The following ARFGEF3 variants were observed in gnomAD, a reference collection of about 807,000 sequenced individuals.
ARFGEF3 encodes ARFGEF family member 3, also known as brefeldin A-inhibited guanine nucleotide-exchange protein 3.
Under a neutral mutation model 221.7 loss-of-function variants are expected in ARFGEF3, and 96 were observed. That is an observed-to-expected ratio of 0.43 (90% CI 0.37 to 0.51). The LOEUF is 0.51. Among genes scored for constraint, ARFGEF3 ranks in the 20% least tolerant of loss-of-function variants. The pLI, the probability that ARFGEF3 is intolerant of heterozygous loss-of-function variation, is 0.00. For missense variants in ARFGEF3, 2,410 were observed against 2,789.9 expected (o/e 0.86, Z 3.07); for synonymous variants, 1,145 against 1,126.8 (o/e 1.02, Z -0.32).
At chr6:138,314,655 G>A (rs1054914926) in intron 26 of ARFGEF3, among the ~76,000 whole-genome samples, 2 of 152,228 alleles carry the variant, frequency 1.3e-5, no homozygotes, top group African/African-American at 4.8e-5. Context: ...GGAAGGCATA[G>A]GATAGACATT....
chr6:138,322,582 G>A (rs1394029116), intron 29 of ARFGEF3, among the ~76,000 whole-genome samples: 1 of 152,058 alleles, frequency 6.6e-6, no homozygotes, highest in East Asian at 1.9e-4. Flanking sequence ...AGATCACAAG[G>A]TCAGGAGTTC....
chr6:138,183,369 TTAAG>T (rs1157704001), intron 2 of ARFGEF3, among the ~76,000 whole-genome samples: 1 of 152,180 alleles, frequency 6.6e-6, no homozygotes, highest in Non-Finnish European at 1.5e-5. Flanking sequence ...GAGGATTTGA[TTAAG>T]AAAGAAAACA....
Position 138,291,840 on chromosome 6 carries a change from T to C in ARFGEF3, c.3155T>C (p.Leu1052Pro), listed in dbSNP as rs372133127. The C allele has an allele frequency of 2.9e-5, 43 of 1,500,502 alleles. No individual in the cohort carries two copies. The African/African-American group carries it at 6.2e-4, about 22-fold the overall frequency. The allele number at this position is 1,500,502 out of a possible 1,614,324, so 92.9% of individuals were successfully genotyped here. A position where few individuals can be genotyped will look rare whatever the true frequency, so the allele number is the denominator to read the frequency against. ...CAGAAGGCCACTGGAAGCGCTGGCC[T>C]CCTTGGGGACCCCGAGTGTGAGGGC... is the stretch of plus-strand genomic sequence containing the variant. ...QPQKATGSAG[L>P]LGDPECEGSP... is the part of the protein sequence containing the mutation. The change falls in exon 19 of 34, where the codon CTC (leucine) becomes CCC (proline). Residue 1052 changes from leucine (L) to proline (P), a missense_variant. By Grantham distance (98) the Leu-to-Pro change is moderately conservative. Around this residue, in one of 5 missense-constraint regions of ARFGEF3, gnomAD observed 184 missense variants for 141.8 expected, o/e 1.30. Coordinates refer to ENST00000251691, the MANE Select transcript of ARFGEF3 (RefSeq NM_020340.5). This position sits in a 1 kb window ranked among gnomAD's most constrained non-coding sequence, Gnocchi z 4.5.
At chr6:138,323,832 C>A in intron 30 of ARFGEF3, 59 bp downstream of exon 30, 1 of 1,578,984 alleles carries the variant, frequency 6.3e-7, no homozygotes, top group South Asian at 1.1e-5. Context: ...AGCTCCTGAT[C>A]CCTTACCATG....
At chr6:138,313,746 C>A in intron 25 of ARFGEF3, 49 bp from the exon 26 acceptor site, 1 of 1,484,248 alleles carries the variant, frequency 6.7e-7, no homozygotes. Context: ...ACCCACAATG[C>A]AGCTTTTTCC....
chr6:138,230,819 A>G (rs111320277), intron 5 of ARFGEF3, among the ~76,000 whole-genome samples: 2,419 of 152,288 alleles, frequency 0.016, 58 homozygotes, highest in African/African-American at 0.051. Flanking sequence ...CCTTTAACAC[A>G]TTTGTATGTA....
At chr6:138,303,169 C>T (rs775870264) in intron 22 of ARFGEF3, among the ~76,000 whole-genome samples, 1 of 152,120 alleles carries the variant, frequency 6.6e-6, no homozygotes, top group Admixed American at 6.5e-5. Flanking sequence ...TCAGTATTAA[C>T]TTGAGGTACA....
rs185590875 is a variant in ARFGEF3 at position 138,193,026 on chromosome 6, C to T, written c.138-14016C>T. 2.6e-5 allele frequency among the ~76,000 whole-genome samples: 4 copies of T among 152,192 alleles called. No homozygotes were observed. In the East Asian group the frequency reaches 7.7e-4, roughly 29 times the overall value. On this transcript the variant is annotated intron_variant, in intron 2 of 33. Coordinates refer to ENST00000251691, the MANE Select transcript of ARFGEF3 (RefSeq NM_020340.5). ...CCTTTGATTAAAAATCTTTCATTAGCTCCTCATTTTCAACTGGCTAAAGGT... is the reference window on the plus strand; with the variant it reads ...CCTTTGATTAAAAATCTTTCATTAGTTCCTCATTTTCAACTGGCTAAAGGT...
chr6:138,332,721 A>G (rs575213832), intron 32 of ARFGEF3, among the ~76,000 whole-genome samples: 2 of 152,364 alleles, frequency 1.3e-5, no homozygotes, highest in African/African-American at 2.4e-5. Flanking sequence ...TATACTTAAT[A>G]TCACTGAATT....
At chr6:138,302,721 A>G (rs1400844802) in intron 22 of ARFGEF3, among the ~76,000 whole-genome samples, 1 of 152,228 alleles carries the variant, frequency 6.6e-6, no homozygotes, top group African/African-American at 2.4e-5. Context: ...AGAAAGAATG[A>G]AGGCTAGAAG....
At chr6:138,233,068 G>A (rs76327465) in intron 5 of ARFGEF3, among the ~76,000 whole-genome samples, 1 of 152,136 alleles carries the variant, frequency 6.6e-6, no homozygotes, top group East Asian at 1.9e-4. Flanking sequence ...GTTCTATGGT[G>A]TTTTATATAT....
chr6:138,227,569 A>G (rs1443057274), intron 4 of ARFGEF3, among the ~76,000 whole-genome samples: 2 of 152,160 alleles, frequency 1.3e-5, no homozygotes, highest in Admixed American at 1.3e-4. Context: ...TCAATACTTA[A>G]AAAATCAAGA....
intron 4 of ARFGEF3, among the ~76,000 whole-genome samples, chr6:138,225,830 A>G (rs1005041269): frequency 1.3e-5 from 2 of 152,238 alleles, no homozygotes; most frequent in African/African-American, 4.8e-5. Flanking sequence ...CTATGTTGGA[A>G]TAGCTACCAT....
At chr6:138,319,386 T>C (rs1038611399) in intron 27 of ARFGEF3, among the ~76,000 whole-genome samples, 1 of 152,126 alleles carries the variant, frequency 6.6e-6, no homozygotes, top group African/African-American at 2.4e-5. Flanking sequence ...CAAAGGGTAT[T>C]TTCTTATACA....
At chr6:138,255,887 A>G (rs1261409597) in intron 10 of ARFGEF3, 118 bp downstream of exon 10, 8 of 822,524 alleles carry the variant, frequency 9.7e-6, no homozygotes, top group Non-Finnish European at 1.3e-5. Flanking sequence ...TTACTGCCTC[A>G]TGGTGTCCAG....
At chr6:138,265,097 GT>G (rs2114595197) in intron 12 of ARFGEF3, among the ~76,000 whole-genome samples, 1 of 152,154 alleles carries the variant, frequency 6.6e-6, no homozygotes, top group East Asian at 1.9e-4. Context: ...TAGAGACAGG[GT>G]TTCGCTGTGT....
In ARFGEF3 at chr6:138,238,541, C is replaced by T. The variant is rs752811373; in HGVS notation, c.453C>T (p.His151=). The T allele has an allele frequency of 3.1e-6, 5 of 1,613,782 alleles. No homozygotes were observed. Among genetic ancestry groups the T allele is most frequent in the East Asian group, 2.2e-5 (1 of 44,878 alleles). ...TTGAGACGTACATAAGCAGCTGTCA[C>T]CAGCGTAGCATAAACACTGCTGTGC... is the stretch of plus-strand genomic sequence containing the variant. ...VCIETYISSC[H]QRSINTAVRA... Residue 151 remains histidine (H), a synonymous_variant, in exon 6 of 34, where the codon CAC becomes CAT. Transcript: ENST00000251691.
chr6:138,195,488 G>A (rs1465667887), intron 2 of ARFGEF3, among the ~76,000 whole-genome samples: 1 of 152,132 alleles, frequency 6.6e-6, no homozygotes, highest in African/African-American at 2.4e-5. Context: ...TTTTATTCAA[G>A]AGGACAACCA....
intron 8 of ARFGEF3, 87 bp downstream of exon 8, chr6:138,245,678 A>T (rs1175046011): frequency 2.0e-6 from 2 of 975,980 alleles, no homozygotes; most frequent in African/African-American, 3.2e-5. Context: ...CAAATTATGG[A>T]TTGTAAGATT....
Sources: gnomAD v4.1 joint callset for allele counts (sites outside exome capture counted in the v4.1 genomes callset) on GRCh38, gnomAD v4.1.1 for gene constraint, gnomAD v4.1.1 regional missense constraint, Gnocchi (gnomAD v3.1) non-coding constraint, MANE v1.5 for transcripts, NCBI Gene and HGNC (gene_info 2026-07-23, HGNC 2026-07-21) for gene names.